Variants in RAD54L2 observed in about 807,000 individuals in gnomAD.
RAD54L2 encodes the protein helicase ARIP4.
A neutral mutation model predicts 138.4 loss-of-function variants in RAD54L2; 27 were observed. The ratio of observed to expected loss-of-function variants is 0.20; its 90% CI spans 0.14 to 0.27. RAD54L2 has a LOEUF of 0.27. RAD54L2 is among the 10% of genes least tolerant of loss of function. The pLI is 1.00. For missense variants in RAD54L2, 1,396 were observed against 1,890.2 expected (o/e 0.74, Z 4.85); for synonymous variants, 644 against 723.2 (o/e 0.89, Z 1.76).
intron 2 of RAD54L2, among the ~76,000 whole-genome samples, chr3:51,556,819 G>A (rs1404274232): frequency 1.3e-5 from 2 of 151,542 alleles, no homozygotes; most frequent in African/African-American, 4.8e-5. Context: ...AAGGTGATCC[G>A]CCCGCCTCTG....
chr3:51,596,030 G>A (rs1156884884), intron 3 of RAD54L2, among the ~76,000 whole-genome samples: 1 of 132,744 alleles, frequency 7.5e-6, no homozygotes, highest in Non-Finnish European at 1.6e-5. Flanking sequence ...CCAGGGTCAG[G>A]TGGTCCTCCC....
chr3:51,644,467 G>GAAC (rs35693013), intron 16 of RAD54L2, among the ~76,000 whole-genome samples: 2,684 of 152,162 alleles, frequency 0.018, 46 homozygotes, highest in Non-Finnish European at 0.026. Context: ...ACAAACAAAT[G>GAAC]AACAACAACA....
At chr3:51,633,022 C>G (rs1435618705) in intron 7 of RAD54L2, among the ~76,000 whole-genome samples, 1 of 151,878 alleles carries the variant, frequency 6.6e-6, no homozygotes, top group Non-Finnish European at 1.5e-5. Flanking sequence ...GAGTTCAAGA[C>G]CAGCCTGGGC....
At chr3:51,589,915 A>G (rs753965701) in intron 2 of RAD54L2, among the ~76,000 whole-genome samples, 1 of 152,162 alleles carries the variant, frequency 6.6e-6, no homozygotes, top group African/African-American at 2.4e-5. Context: ...CAGAACACTC[A>G]TAGGGAAGGT....
Position 51,662,892 on chromosome 3 carries a change from C to G in RAD54L2, c.3876C>G (p.Gly1292=). The part of the protein sequence containing the change: ...QPYEHGYPVS[G]GFAMPPVSLN... ...ATGAACACGGGTATCCAGTCTCTGG[C>G]GGGTTTGCCATGCCACCCGTCTCCT... Residue 1292 remains glycine, a synonymous_variant, in exon 23 of 23, where the codon GGC becomes GGG. Transcript: ENST00000684192. The surrounding 1 kb of genome is among the most constrained non-coding windows in gnomAD (Gnocchi z 4.6). 6.2e-7 allele frequency: 1 copy of G among 1,613,782 alleles called. No individual in the cohort carries two copies.
intron 2 of RAD54L2, among the ~76,000 whole-genome samples, chr3:51,557,830 CAA>C (rs1166273906): frequency 5.7e-3 from 183 of 32,204 alleles, no homozygotes; most frequent in African/African-American, 0.021. Context: ...AACTCCATCT[CAA>C]AAAAAAAAAA....
intron 2 of RAD54L2, among the ~76,000 whole-genome samples, chr3:51,548,572 C>T (rs1280822683): frequency 4.6e-5 from 7 of 152,080 alleles, no homozygotes; most frequent in Middle Eastern, 3.2e-3. Flanking sequence ...GAAGCAAACC[C>T]GAAAAGGTGA....
intron 22 of RAD54L2, among the ~76,000 whole-genome samples, chr3:51,660,663 C>G (rs951327718): frequency 2.6e-5 from 4 of 151,198 alleles, no homozygotes; most frequent in Non-Finnish European, 5.9e-5. Flanking sequence ...GCTCTGTTGC[C>G]CAGGCTGGAG....
intron 14 of RAD54L2, 32 bp from the exon 15 acceptor site, chr3:51,641,717 G>C (rs1335012522): frequency 2.1e-6 from 3 of 1,416,710 alleles, no homozygotes; most frequent in Non-Finnish European, 2.9e-6. Context: ...TCAATTCTGG[G>C]AGCCATCTGA....
At chr3:51,611,729 T>G (rs763493162) in intron 3 of RAD54L2, among the ~76,000 whole-genome samples, 11 of 151,998 alleles carry the variant, frequency 7.2e-5, no homozygotes, top group Non-Finnish European at 1.3e-4. Flanking sequence ...CGGCTAATTT[T>G]TATATTTTTA....
intron 3 of RAD54L2, among the ~76,000 whole-genome samples, chr3:51,618,111 A>G (rs1469066538): frequency 1.3e-5 from 2 of 148,244 alleles, no homozygotes; most frequent in Non-Finnish European, 3.0e-5. Flanking sequence ...GGCACGTGCC[A>G]CCATGCCCGG....
In RAD54L2 at chr3:51,663,594, C is replaced by CAA. The variant is rs34235841; in HGVS notation, c.*197_*198dup. On this transcript the variant is annotated 3_prime_UTR_variant, in exon 23 of 23. Transcript: ENST00000684192. ...CTCTGTTGCTGTTTAACAAAAGAGG[C>CAA]AAAAAAAAAAAAAAAAAAAAAAAAG... The CAA allele has an allele frequency of 2.6e-4, 14 of 54,816 alleles. No homozygotes were observed. The highest frequency in any genetic ancestry group is 1.1e-3 in the Admixed American group (5 of 4,386). The allele number at this position is 54,816 out of a possible 1,614,324, so 3.4% of individuals were successfully genotyped here. A position where few individuals can be genotyped will look rare whatever the true frequency, so the allele number is the denominator to read the frequency against.
At position 51,663,059 on chromosome 3, in the gene RAD54L2, T is replaced by A. The variant is rs1252055041; in HGVS notation, c.4043T>A (p.Val1348Glu). The change falls in exon 23 of 23, where the codon GTG becomes GAG. Residue 1348 changes from valine (V) to glutamate (E), a missense_variant. Val to Glu is a moderately radical substitution (Grantham distance 121). Transcript: ENST00000684192. ...LVFPVTTDPLVPAGPVSSSST... is the reference protein window; with the variant it reads ...LVFPVTTDPLEPAGPVSSSST... ...TTTCCAGTGACTACTGACCCTCTGG[T>A]GCCAGCAGGCCCCGTCAGTTCCTCT... 3.1e-6 allele frequency: 5 copies of A among 1,613,844 alleles called. No individual in the cohort carries two copies. The South Asian group carries it at 5.5e-5, about 18-fold the overall frequency.
intron 3 of RAD54L2, among the ~76,000 whole-genome samples, chr3:51,598,850 A>G (rs1432541194): frequency 6.6e-6 from 1 of 152,138 alleles, no homozygotes; most frequent in African/African-American, 2.4e-5. Context: ...AAGGGAGGGT[A>G]TGGAAGCTCT....
intron 2 of RAD54L2, among the ~76,000 whole-genome samples, chr3:51,559,097 A>T (rs62257555): frequency 6.6e-6 from 1 of 151,226 alleles, no homozygotes; most frequent in African/African-American, 2.4e-5. Context: ...CTGGTCTCAA[A>T]CTCCTGACCT....
intron 2 of RAD54L2, among the ~76,000 whole-genome samples, chr3:51,582,174 C>T (rs1316708032): frequency 2.0e-5 from 3 of 152,186 alleles, no homozygotes; most frequent in East Asian, 1.9e-4. Context: ...CTCAAAAGTC[C>T]TGAGATAATA....
At chr3:51,659,865 G>A (rs1341624981) in intron 21 of RAD54L2, among the ~76,000 whole-genome samples, 161 bp from the exon 22 acceptor site, 2 of 152,206 alleles carry the variant, frequency 1.3e-5, no homozygotes, top group Admixed American at 6.5e-5. Context: ...ATAATTATGA[G>A]TCCATAGCTC....
chr3:51,586,567 CTTTTTTT>C (rs35274115), intron 2 of RAD54L2, among the ~76,000 whole-genome samples: 1 of 136,826 alleles, frequency 7.3e-6, no homozygotes, highest in Admixed American at 7.5e-5. Context: ...AAAGAAAACA[CTTTTTTT>C]TTTTTTTTTT....
chr3:51,546,603 G>A (rs1197345885), intron 2 of RAD54L2, among the ~76,000 whole-genome samples: 1 of 151,996 alleles, frequency 6.6e-6, no homozygotes, highest in East Asian at 1.9e-4. Flanking sequence ...TCGTGCCATT[G>A]CACTCCAGCC....
Sources: gnomAD v4.1 joint callset for allele counts (sites outside exome capture counted in the v4.1 genomes callset) on GRCh38, gnomAD v4.1.1 for gene constraint, Gnocchi (gnomAD v3.1) non-coding constraint, MANE v1.5 for transcripts, NCBI Gene and HGNC (gene_info 2026-07-23, HGNC 2026-07-21) for gene names.